SETBP1: variants seen among roughly 807,000 people sequenced by gnomAD.
The protein encoded by SETBP1 is SET-binding protein.
Under a neutral mutation model 101.0 loss-of-function variants are expected in SETBP1, and 9 were observed. That is an observed-to-expected ratio of 0.09 (90% CI 0.05 to 0.16). The LOEUF is 0.16. Among genes scored for constraint, SETBP1 ranks in the 10% least tolerant of loss-of-function variants. The pLI is 1.00. For missense variants in SETBP1, 1,858 were observed against 2,033.8 expected, an observed-to-expected ratio of 0.91 and a Z score of 1.66; for synonymous variants, 818 against 788.5, an observed-to-expected ratio of 1.04 and a Z score of -0.63.
At chr18:44,999,260 T>C (rs897105568) in intron 4 of SETBP1, among the ~76,000 whole-genome samples, 1 of 152,130 alleles carries the variant, frequency 6.6e-6, no homozygotes, top group African/African-American at 2.4e-5. Flanking sequence ...TGTGTCACAT[T>C]CCTTTTCAGC....
intron 4 of SETBP1, among the ~76,000 whole-genome samples, chr18:44,977,721 A>G (rs1212815932): frequency 6.6e-6 from 1 of 152,212 alleles, no homozygotes; most frequent in Non-Finnish European, 1.5e-5. Context: ...GGCTCAATTC[A>G]CAGAGGCCAA....
intron 2 of SETBP1, among the ~76,000 whole-genome samples, chr18:44,863,855 CA>C (rs1053207558): frequency 6.6e-6 from 1 of 152,182 alleles, no homozygotes; most frequent in Non-Finnish European, 1.5e-5. Context: ...CTGGGAAGAG[CA>C]AATGACTTGG....
intron 2 of SETBP1, among the ~76,000 whole-genome samples, chr18:44,828,640 T>A (rs1391099748): frequency 6.6e-6 from 1 of 152,270 alleles, no homozygotes; most frequent in Non-Finnish European, 1.5e-5. Context: ...TGCTGACTTG[T>A]GCTTTGTATC....
intron 3 of SETBP1, among the ~76,000 whole-genome samples, chr18:44,907,308 A>G (rs77206314): frequency 0.058 from 8,882 of 152,272 alleles, 876 homozygotes; most frequent in African/African-American, 0.2. Context: ...TAATGCTGCT[A>G]TGAACATTTA....
intron 4 of SETBP1, among the ~76,000 whole-genome samples, chr18:44,973,524 C>T (rs563646393): frequency 6.6e-6 from 1 of 152,238 alleles, no homozygotes; most frequent in African/African-American, 2.4e-5. Context: ...CAGAGAAGGG[C>T]ACTGTGATGT....
At chr18:44,842,545 G>T (rs1453191921) in intron 2 of SETBP1, among the ~76,000 whole-genome samples, 1 of 152,180 alleles carries the variant, frequency 6.6e-6, no homozygotes, top group Non-Finnish European at 1.5e-5. Context: ...CTTCCCCAAA[G>T]AATATCCCAC....
At chr18:44,830,702 A>G (rs2144451926) in intron 2 of SETBP1, among the ~76,000 whole-genome samples, 1 of 152,308 alleles carries the variant, frequency 6.6e-6, no homozygotes, top group Non-Finnish European at 1.5e-5. Context: ...CCAGAATACA[A>G]TTTTATTCTC....
At chr18:44,935,593 C>G (rs144186524) in intron 3 of SETBP1, among the ~76,000 whole-genome samples, 1 of 152,242 alleles carries the variant, frequency 6.6e-6, no homozygotes, top group Non-Finnish European at 1.5e-5. Context: ...CAGTGTTGGC[C>G]AAACTTGGCT....
chr18:44,846,945 C>A (rs533115550), intron 2 of SETBP1, among the ~76,000 whole-genome samples: 1 of 152,284 alleles, frequency 6.6e-6, no homozygotes, highest in African/African-American at 2.4e-5. Context: ...GCTGGGAGTG[C>A]ATGAAAGGTG....
chr18:44,914,560 C>G (rs1030315180), intron 3 of SETBP1, among the ~76,000 whole-genome samples: 6 of 152,094 alleles, frequency 3.9e-5, no homozygotes, highest in African/African-American at 1.4e-4. Flanking sequence ...GTGACTATCA[C>G]CTTTTAGATT....
At chr18:45,032,496 G>A (rs2073316782) in intron 4 of SETBP1, among the ~76,000 whole-genome samples, 1 of 152,194 alleles carries the variant, frequency 6.6e-6, no homozygotes, top group Non-Finnish European at 1.5e-5. Context: ...TAGAATGAAA[G>A]TGATGATGAT....
Position 44,791,858 on chromosome 18 carries a change from C to T in SETBP1, c.487-77372C>T, listed in dbSNP as rs12456211. 8.2e-3 allele frequency among the ~76,000 whole-genome samples: 1,251 copies of T among 152,202 alleles called. 3 individuals are homozygous for T. The highest frequency in any genetic ancestry group is 0.013 in the Non-Finnish European group (888 of 68,008). On this transcript the variant is annotated intron_variant, in intron 2 of 5. Transcript: ENST00000649279. ...ACAGAGTGATGTCAGCTGAGGCGGC[C>T]GCTTAATTGCCCTAACTTCTTGGGG...
chr18:44,824,108 G>T (rs1292898474), intron 2 of SETBP1, among the ~76,000 whole-genome samples: 5 of 152,150 alleles, frequency 3.3e-5, no homozygotes, highest in African/African-American at 9.7e-5. Flanking sequence ...TTGAGAAGTG[G>T]CTGCCTGTGT....
intron 4 of SETBP1, among the ~76,000 whole-genome samples, chr18:44,973,451 C>A (rs1256244301): frequency 1.3e-5 from 2 of 152,122 alleles, no homozygotes; most frequent in African/African-American, 4.8e-5. Flanking sequence ...TATGGAGACC[C>A]AAAGGATGCA....
At chr18:44,856,972 A>G (rs182310978) in intron 2 of SETBP1, among the ~76,000 whole-genome samples, 6 of 152,224 alleles carry the variant, frequency 3.9e-5, no homozygotes, top group Admixed American at 2.0e-4. Flanking sequence ...CCTCACCTCT[A>G]CTTTCTAGAT....
intron 2 of SETBP1, among the ~76,000 whole-genome samples, chr18:44,850,344 C>T (rs182247030): frequency 4.0e-5 from 6 of 151,870 alleles, no homozygotes; most frequent in Admixed American, 3.3e-4. Flanking sequence ...AGCTTTAATT[C>T]GGCCCAGATG....
chr18:44,724,414 G>T (rs1328861620), intron 2 of SETBP1, among the ~76,000 whole-genome samples: 3 of 152,148 alleles, frequency 2.0e-5, no homozygotes, highest in East Asian at 3.8e-4. Flanking sequence ...GATATAGGGT[G>T]GGGGAGGGGA....
intron 3 of SETBP1, among the ~76,000 whole-genome samples, chr18:44,933,969 T>G (rs898933406): frequency 5.9e-5 from 9 of 152,286 alleles, no homozygotes; most frequent in Admixed American, 4.6e-4. Context: ...GAGATGAACC[T>G]GGTACCTCAG....
chr18:44,706,344 G>C (rs2069217323), intron 2 of SETBP1, among the ~76,000 whole-genome samples: 1 of 151,928 alleles, frequency 6.6e-6, no homozygotes, highest in East Asian at 1.9e-4. Context: ...TCAGCACTTT[G>C]GGAGGCTGAG....
Sources: gnomAD v4.1 joint callset for allele counts (sites outside exome capture counted in the v4.1 genomes callset) on GRCh38, gnomAD v4.1.1 for gene constraint, MANE v1.5 for transcripts, NCBI Gene and HGNC (gene_info 2026-07-23, HGNC 2026-07-21) for gene names.